Variants in NOTCH2 observed in about 807,000 individuals in gnomAD.
NOTCH2 encodes the protein notch receptor 2.
In NOTCH2, 29 loss-of-function variants were observed where a neutral mutation model predicts 235.8. The ratio of observed to expected loss-of-function variants is 0.12; its 90% CI spans 0.09 to 0.17. The LOEUF is 0.17. Among genes scored for constraint, NOTCH2 ranks in the 10% least tolerant of loss-of-function variants. NOTCH2 has a pLI of 1.00. For missense variants in NOTCH2, 2,285 were observed against 3,150.2 expected (o/e 0.73, Z 6.57); for synonymous variants, 1,086 against 1,141.5 (o/e 0.95, Z 0.98).
At position 119,999,089 on chromosome 1, in the gene NOTCH2, T is replaced by C. The variant is rs2934386; in HGVS notation, c.416-1757A>G. On this transcript the variant is annotated intron_variant, in intron 3 of 33. Transcript: ENST00000256646. Reference sequence around the variant, plus strand: ...CACATTTTCTTAATCCAGTCTATCATTGATGGACATTTGGGTTGGTTCCAA... The same window carrying C: ...CACATTTTCTTAATCCAGTCTATCACTGATGGACATTTGGGTTGGTTCCAA... Among the ~76,000 whole-genome samples, 965 of 133,572 alleles carry C rather than the reference T, an allele frequency of 7.2e-3. 8 individuals are homozygous for C. The highest frequency in any genetic ancestry group is 0.011 in the Middle Eastern group (3 of 262). 87.6% of individuals were successfully genotyped at this position (133,572 alleles called of 152,430 possible).
intron 12 of NOTCH2, among the ~76,000 whole-genome samples, chr1:119,958,501 A>C (rs1185206844): frequency 4.6e-5 from 7 of 152,244 alleles, no homozygotes; most frequent in African/African-American, 1.7e-4. Context: ...AAACAACCAC[A>C]TGGAAATTAT....
At chr1:119,999,704 A>G (rs1459515601) in intron 3 of NOTCH2, among the ~76,000 whole-genome samples, 1 of 152,096 alleles carries the variant, frequency 6.6e-6, no homozygotes, top group Non-Finnish European at 1.5e-5. Context: ...CAACATGGTG[A>G]AATGCCATCT....
chr1:119,953,405 C>T, intron 14 of NOTCH2, 138 bp downstream of exon 14: 1 of 882,636 alleles, frequency 1.1e-6, no homozygotes. Context: ...TCCCCAAGTG[C>T]CTTACAAGTC....
chr1:119,923,848 C>A lies in NOTCH2; in HGVS notation c.4648G>T (p.Val1550Leu). 1 of 1,614,200 alleles carries A rather than the reference C, an allele frequency of 6.2e-7. No homozygotes were observed. The highest frequency in any genetic ancestry group is 2.2e-5 in the East Asian group (1 of 44,884). Reference sequence around the variant, plus strand: ...AGTTGTTCAGGTGGCATCAATACCACAATAACCAGGGTACCTTCTGCCAGG... The same window carrying A: ...AGTTGTTCAGGTGGCATCAATACCAAAATAACCAGGGTACCTTCTGCCAGG... ...ENLAEGTLVI[V>L]VLMPPEQLLQ... The change falls in exon 26 of 34, where the codon GTG becomes TTG. Residue 1550 changes from valine (V) to leucine (L), a missense_variant. By Grantham distance (32) the Val-to-Leu change is conservative. Transcript: ENST00000256646.
At chr1:119,954,348 A>C (rs1650601218) in intron 13 of NOTCH2, among the ~76,000 whole-genome samples, 1 of 152,176 alleles carries the variant, frequency 6.6e-6, no homozygotes. Flanking sequence ...AGGCTGCTAT[A>C]CTCTGAAACA....
At chr1:119,952,646 G>A (rs1035365567) in intron 14 of NOTCH2, among the ~76,000 whole-genome samples, 9 of 152,178 alleles carry the variant, frequency 5.9e-5, no homozygotes, top group African/African-American at 2.2e-4. Flanking sequence ...GTGAGTGACG[G>A]GGAGTGGCTA....
At chr1:119,946,251 A>G (rs1473963062) in intron 17 of NOTCH2, among the ~76,000 whole-genome samples, 1 of 152,058 alleles carries the variant, frequency 6.6e-6, no homozygotes, top group Non-Finnish European at 1.5e-5. Context: ...AAAACACACC[A>G]GTTCTACACA....
intron 11 of NOTCH2, among the ~76,000 whole-genome samples, chr1:119,962,400 T>C (rs1321998260): frequency 2.0e-5 from 3 of 152,336 alleles, no homozygotes; most frequent in African/African-American, 7.2e-5. Flanking sequence ...GGAAGCAAAT[T>C]GCTTTTGGAA....
At position 119,957,885 on chromosome 1, in the gene NOTCH2, A is replaced by ACACACACACAC. The variant is rs1553198569; in HGVS notation, c.2026+1506_2026+1507insGTGTGTGTGTG. Among the ~76,000 whole-genome samples, 4 of 77,052 alleles carry ACACACACACAC rather than the reference A, an allele frequency of 5.2e-5. No homozygotes were observed. The Admixed American group carries it at 5.2e-4, about 10-fold the overall frequency. The allele number at this position is 77,052 out of a possible 152,430, so 50.5% of individuals were successfully genotyped here. Reference sequence around the variant, plus strand: ...ACACACACACACACACACACACACAACAGGCCCCTAATCAGGATGTCCAGT... The same window carrying ACACACACACAC: ...ACACACACACACACACACACACACAACACACACACACCAGGCCCCTAATCAGGATGTCCAGT... On this transcript the variant is annotated intron_variant, in intron 12 of 33. Transcript: ENST00000256646.
At chr1:120,031,227 C>T (rs587637329) in intron 1 of NOTCH2, among the ~76,000 whole-genome samples, 3 of 124,082 alleles carry the variant, frequency 2.4e-5, no homozygotes, top group African/African-American at 9.2e-5. Flanking sequence ...CCTCCAACAA[C>T]AATTACTGCA....
At chr1:119,935,112 G>C in intron 22 of NOTCH2, 1 of 985,268 alleles carries the variant, frequency 1.0e-6, no homozygotes, top group Non-Finnish European at 1.2e-6. Flanking sequence ...ACAAAAGCAG[G>C]TAAATGTAAA....
At chr1:119,926,372 T>A in intron 24 of NOTCH2, 127 bp downstream of exon 24, 1 of 806,334 alleles carries the variant, frequency 1.2e-6, no homozygotes, top group Non-Finnish European at 2.1e-6. Flanking sequence ...CACTTTCCTC[T>A]GAAAGAGCTA....
chr1:119,972,662 G>A (rs1398019765), intron 5 of NOTCH2, among the ~76,000 whole-genome samples: 1 of 152,200 alleles, frequency 6.6e-6, no homozygotes, highest in Non-Finnish European at 1.5e-5. Context: ...GCCATTGACT[G>A]CCTACTGAGA....
intron 12 of NOTCH2, 93 bp from the exon 13 acceptor site, chr1:119,955,325 G>T: frequency 7.5e-7 from 1 of 1,339,652 alleles, no homozygotes; most frequent in Non-Finnish European, 1.1e-6. Context: ...TCCTTCATCT[G>T]CTCAGGCCAT....
At chr1:119,991,886 G>A (rs1251302336) in intron 4 of NOTCH2, among the ~76,000 whole-genome samples, 1 of 133,096 alleles carries the variant, frequency 7.5e-6, no homozygotes, top group Non-Finnish European at 1.5e-5. Flanking sequence ...CCAAGTGTGA[G>A]AATGCAAGAG....
Position 119,956,173 on chromosome 1 carries a change from A to G in NOTCH2, c.2027-941T>C, listed in dbSNP as rs55648721. Reference sequence around the variant, plus strand: ...ATAACCTTGATATTTCTTAGGCTGAATAAAGTAATACGGGTCAGTTATACA... The same window carrying G: ...ATAACCTTGATATTTCTTAGGCTGAGTAAAGTAATACGGGTCAGTTATACA... On this transcript the variant is annotated intron_variant, in intron 12 of 33. Transcript: ENST00000256646. 2.0e-3 allele frequency among the ~76,000 whole-genome samples: 311 copies of G among 152,352 alleles called. 3 individuals are homozygous for G. The highest frequency in any genetic ancestry group is 7.0e-3 in the African/African-American group (292 of 41,586).
Position 119,953,698 on chromosome 1 carries a change from G to C in NOTCH2, c.2220-10C>G, listed in dbSNP as rs782727296. 1.4e-5 allele frequency: 23 copies of C among 1,613,650 alleles called. No individual in the cohort carries two copies. The highest frequency in any genetic ancestry group is 1.9e-5 in the Non-Finnish European group (22 of 1,179,716). On this transcript the variant is annotated splice_polypyrimidine_tract_variant and intron_variant, in intron 13 of 33. Transcript: ENST00000256646. The stretch of plus-strand genomic sequence containing the variant: ...ACAGAGACACTTATATCTGAAAGAA[G>C]ACAAAACTTTTTACTATAGGAGGTA...
intron 28 of NOTCH2, 122 bp from the exon 29 acceptor site, chr1:119,921,931 A>G: frequency 5.8e-6 from 5 of 856,636 alleles, no homozygotes; most frequent in Non-Finnish European, 5.7e-6. Flanking sequence ...GTCTTGGCCC[A>G]GAGAAGATGG....
chr1:120,067,044 T>C (rs1479151323), intron 1 of NOTCH2, among the ~76,000 whole-genome samples: 3 of 150,540 alleles, frequency 2.0e-5, no homozygotes, highest in African/African-American at 7.3e-5. Context: ...CAATCAGACA[T>C]ACTGCTAACA....
Sources: gnomAD v4.1 joint callset for allele counts (sites outside exome capture counted in the v4.1 genomes callset) on GRCh38, gnomAD v4.1.1 for gene constraint, MANE v1.5 for transcripts, NCBI Gene and HGNC (gene_info 2026-07-23, HGNC 2026-07-21) for gene names.